Variants in BRINP3 observed in about 807,000 individuals in gnomAD.
BRINP3 encodes the protein BMP/retinoic acid inducible neural specific 3, also known as BMP/retinoic acid-inducible neural-specific protein 3.
BRINP3 carries 19 observed loss-of-function variants against 71.0 expected under a neutral mutation model. The observed-to-expected ratio is 0.27, with a 90% CI of 0.19 to 0.39. BRINP3 has a LOEUF of 0.39. BRINP3 is among the 10% of genes least tolerant of loss of function. The pLI is 1.00. For synonymous variants in BRINP3, 380 were observed against 337.7 expected (o/e 1.13, Z -1.37); for missense variants, 959 against 940.8 (o/e 1.02, Z -0.25).
chr1:190,327,326 C>CAAAAAAAAAAAAAA (rs1227478693), intron 2 of BRINP3, among the ~76,000 whole-genome samples: 214 of 44,164 alleles, frequency 4.8e-3, no homozygotes, highest in Middle Eastern at 0.021. Context: ...AAAAAAAGAA[C>CAAAAAAAAAAAAAA]AAAAAAAAAA....
intron 4 of BRINP3, among the ~76,000 whole-genome samples, chr1:190,257,833 G>T (rs1027066910): frequency 1.6e-4 from 25 of 152,132 alleles, no homozygotes; most frequent in Admixed American, 4.6e-4. Flanking sequence ...AAATATTGCT[G>T]CCTGTTCCTT....
chr1:190,202,896 C>T (rs1205858683), intron 6 of BRINP3, among the ~76,000 whole-genome samples: 2 of 152,022 alleles, frequency 1.3e-5, no homozygotes, highest in Non-Finnish European at 2.9e-5. Context: ...TGAAAATGGC[C>T]TAATACAGAA....
At chr1:190,342,102 G>C (rs1434979761) in intron 2 of BRINP3, among the ~76,000 whole-genome samples, 1 of 151,258 alleles carries the variant, frequency 6.6e-6, no homozygotes, top group East Asian at 2.0e-4. Flanking sequence ...GTTGCGATGG[G>C]TCTTTTTCTC....
At chr1:190,453,903 T>A (rs1675814727) in intron 2 of BRINP3, among the ~76,000 whole-genome samples, 1 of 152,154 alleles carries the variant, frequency 6.6e-6, no homozygotes, top group African/African-American at 2.4e-5. Context: ...AATAAACAAA[T>A]TGAAGTGATA....
At chr1:190,257,312 C>G (rs1020515898) in intron 4 of BRINP3, among the ~76,000 whole-genome samples, 2 of 152,070 alleles carry the variant, frequency 1.3e-5, no homozygotes, top group African/African-American at 2.4e-5. Flanking sequence ...TCATGTAGTT[C>G]TCGTGCCATG....
intron 7 of BRINP3, among the ~76,000 whole-genome samples, chr1:190,152,595 ATCTAAAAAAAGTGCC>A (rs763823345): frequency 9.1e-5 from 12 of 131,570 alleles, no homozygotes; most frequent in Admixed American, 1.9e-4. Context: ...AAAATCAGCT[ATCTAAAAAAAGTGCC>A]TCTATTGGGT....
At chr1:190,267,568 A>G (rs892466989) in intron 3 of BRINP3, among the ~76,000 whole-genome samples, 1 of 152,090 alleles carries the variant, frequency 6.6e-6, no homozygotes, top group Non-Finnish European at 1.5e-5. Flanking sequence ...AAAAATAAAT[A>G]CAAAGGTAAA....
chr1:190,211,219 T>C (rs1661083894), intron 6 of BRINP3, among the ~76,000 whole-genome samples: 1 of 152,062 alleles, frequency 6.6e-6, no homozygotes, highest in South Asian at 2.1e-4. Context: ...TGATCTGAGA[T>C]CGTGCCACTG....
intron 4 of BRINP3, among the ~76,000 whole-genome samples, chr1:190,253,909 T>A (rs1660394876): frequency 6.6e-6 from 1 of 152,192 alleles, no homozygotes; most frequent in African/African-American, 2.4e-5. Context: ...GGTCTAACAT[T>A]TAAGTCTTCG....
chr1:190,133,714 T>C (rs1654736645), intron 7 of BRINP3, among the ~76,000 whole-genome samples: 1 of 152,124 alleles, frequency 6.6e-6, no homozygotes, highest in East Asian at 1.9e-4. Flanking sequence ...TTGTACATCA[T>C]TACATGTTAC....
At chr1:190,173,030 T>C (rs1198568574) in intron 6 of BRINP3, among the ~76,000 whole-genome samples, 1 of 152,208 alleles carries the variant, frequency 6.6e-6, no homozygotes, top group Non-Finnish European at 1.5e-5. Flanking sequence ...CTTCCTTTCC[T>C]TCATCTTCTC....
chr1:190,225,997 T>C, intron 6 of BRINP3, 85 bp downstream of exon 6: 1 of 884,562 alleles, frequency 1.1e-6, no homozygotes, highest in Middle Eastern at 2.7e-4. Context: ...AACTATGTAA[T>C]AGTTTCTTGA....
At chr1:190,163,272 A>T (rs1352930400) in intron 6 of BRINP3, among the ~76,000 whole-genome samples, 6 of 152,130 alleles carry the variant, frequency 3.9e-5, no homozygotes, top group Non-Finnish European at 8.8e-5. Flanking sequence ...TATGTAAAAA[A>T]TAAAGTATTA....
intron 1 of BRINP3, among the ~76,000 whole-genome samples, chr1:190,465,078 G>T (rs949186342): frequency 1.3e-5 from 2 of 151,836 alleles, no homozygotes; most frequent in East Asian, 1.9e-4. Context: ...TCCTTAAGTC[G>T]GCCCAGCACA....
At chr1:190,473,342 A>G (rs1286534749) in intron 1 of BRINP3, among the ~76,000 whole-genome samples, 1 of 152,016 alleles carries the variant, frequency 6.6e-6, no homozygotes, top group Non-Finnish European at 1.5e-5. Context: ...ACCCAAAGTT[A>G]CAATTATCTT....
At position 190,454,764 on chromosome 1, in the gene BRINP3, G is replaced by T. The variant is rs1016415201; in HGVS notation, c.127C>A (p.Pro43Thr). ...TTATCAGAGAGGAGCCAGTCGAAGG[G>T]GCTTGTGGCATGCTGATCCGAAACA... ...AAVSDQHATS[P>T]FDWLLSDKGP... Residue 43 changes from proline to threonine, a missense_variant, in exon 2 of 8, where the codon CCC becomes ACC. Physicochemically the swap from Pro to Thr is conservative, Grantham distance 38. Transcript: ENST00000367462. 4 of 1,613,998 alleles carry T rather than the reference G, an allele frequency of 2.5e-6. No homozygotes were observed. In the African/African-American group the frequency reaches 5.3e-5, roughly 22 times the overall value.
chr1:190,420,233 A>G (rs1304902280), intron 2 of BRINP3, among the ~76,000 whole-genome samples: 1 of 151,974 alleles, frequency 6.6e-6, no homozygotes, highest in Non-Finnish European at 1.5e-5. Flanking sequence ...TAAGTTTTCA[A>G]TTGTCCCAAT....
At chr1:190,288,187 T>C (rs552861255) in intron 2 of BRINP3, among the ~76,000 whole-genome samples, 1 of 152,074 alleles carries the variant, frequency 6.6e-6, no homozygotes, top group Admixed American at 6.6e-5. Context: ...CTTATCAAAA[T>C]TACTCCTTAA....
At chr1:190,411,442 A>G (rs1245087420) in intron 2 of BRINP3, among the ~76,000 whole-genome samples, 2 of 152,184 alleles carry the variant, frequency 1.3e-5, no homozygotes, top group African/African-American at 4.8e-5. Context: ...AGGGAAAAGA[A>G]AGAAAATAAT....
Sources: allele counts gnomAD v4.1 joint callset (sites outside exome capture counted in the v4.1 genomes callset), GRCh38; gene constraint gnomAD v4.1.1; transcripts MANE v1.5; gene names NCBI Gene and HGNC (gene_info 2026-07-23, HGNC 2026-07-21).